The following ATP5MF variants were observed in gnomAD, a reference collection of about 807,000 sequenced individuals.
The protein encoded by ATP5MF is ATP synthase F(0) complex subunit f, mitochondrial.
Under a neutral mutation model 13.8 loss-of-function variants are expected in ATP5MF, and 10 were observed. That is an observed-to-expected ratio of 0.72 (90% CI 0.45 to 1.23). The LOEUF is 1.23. Ranked by LOEUF, ATP5MF falls within the 50% of genes most tolerant of loss-of-function variation. ATP5MF has a pLI of 0.00. For missense variants in ATP5MF, 122 were observed against 118.2 expected, an observed-to-expected ratio of 1.03 and a Z score of -0.15; for synonymous variants, 40 against 45.8, an observed-to-expected ratio of 0.87 and a Z score of 0.51.
chr7:99,465,808 G>A (rs1008296317), intron 1 of ATP5MF, among the ~76,000 whole-genome samples: 7 of 152,244 alleles, frequency 4.6e-5, no homozygotes, highest in African/African-American at 1.7e-4. Flanking sequence ...GGTCGCAGCG[G>A]GAGAGGGAAG....
At chr7:99,461,168 C>T (rs568345974) in intron 1 of ATP5MF, among the ~76,000 whole-genome samples, 8 of 152,252 alleles carry the variant, frequency 5.3e-5, no homozygotes, top group African/African-American at 1.9e-4. Context: ...AGAAAGGAAT[C>T]GTCTCCCCTG....
At position 99,459,255 on chromosome 7, in the gene ATP5MF, G is replaced by A. The variant is rs747694788; in HGVS notation, c.148C>T (p.Arg50Trp). Reference sequence around the variant, plus strand: ...ACATTGATGTACTTGTTGTAGTACCGGTAGTAACCTGCAAACGCAAGAGGC... The same window carrying A: ...ACATTGATGTACTTGTTGTAGTACCAGTAGTAACCTGCAAACGCAAGAGGC... ...IFGAFQRGYY[R>W]YYNKYINVKK... Residue 50 changes from arginine to tryptophan, a missense_variant, in exon 3 of 4, where the codon CGG (arginine) becomes TGG (tryptophan). Transcript: ENST00000292475. 111 of 1,613,050 alleles carry A rather than the reference G, an allele frequency of 6.9e-5. No individual in the cohort carries two copies. The highest frequency in any genetic ancestry group is 6.6e-4 in the Middle Eastern group (4 of 6,084).
At chr7:99,464,163 C>G (rs1323204733) in intron 1 of ATP5MF, among the ~76,000 whole-genome samples, 1 of 152,222 alleles carries the variant, frequency 6.6e-6, no homozygotes, top group Non-Finnish European at 1.5e-5. Context: ...CTTTCACATG[C>G]TAAATCGATT....
intron 3 of ATP5MF, 143 bp from the exon 4 acceptor site, chr7:99,458,498 G>A (rs1798433536): frequency 3.8e-6 from 3 of 787,202 alleles, no homozygotes; most frequent in Non-Finnish European, 5.9e-6. Flanking sequence ...CGGTGTCTCT[G>A]CAGAATCAGC....
In ATP5MF at chr7:99,459,273, C is replaced by G; in HGVS notation, c.140-10G>C. The stretch of plus-strand genomic sequence containing the variant: ...TAGTACCGGTAGTAACCTGCAAACG[C>G]AAGAGGCGCTCACTGCCCTGCTGGG... On this transcript the variant is annotated splice_polypyrimidine_tract_variant and intron_variant, in intron 2 of 3. Transcript: ENST00000292475. 8 of 1,597,934 alleles carry G rather than the reference C, an allele frequency of 5.0e-6. No homozygotes were observed. The highest frequency in any genetic ancestry group is 6.9e-6 in the Non-Finnish European group (8 of 1,165,208).
At chr7:99,462,336 C>T (rs984795165) in intron 1 of ATP5MF, among the ~76,000 whole-genome samples, 39 of 138,580 alleles carry the variant, frequency 2.8e-4, no homozygotes, top group Admixed American at 3.0e-4. Context: ...GGTGTGGTGG[C>T]GGGCGCCTGT....
chr7:99,465,391 G>A (rs1015406576), intron 1 of ATP5MF, among the ~76,000 whole-genome samples: 5 of 152,298 alleles, frequency 3.3e-5, no homozygotes, highest in African/African-American at 9.6e-5. Flanking sequence ...TCCCTCATCT[G>A]TAAAATGGAA....
Position 99,458,206 on chromosome 7 carries a change from T to G in ATP5MF, c.*121A>C. ...GCAATCAGCACACGTACCAGTCATGTTTTATTTGGAGGTTAATTCCTATTA... is the reference window on the plus strand; with the variant it reads ...GCAATCAGCACACGTACCAGTCATGGTTTATTTGGAGGTTAATTCCTATTA... On this transcript the variant is annotated 3_prime_UTR_variant, in exon 4 of 4. Coordinates refer to ENST00000292475, the MANE Select transcript of ATP5MF (RefSeq NM_004889.5). The G allele has an allele frequency of 1.9e-6, 2 of 1,063,586 alleles. No homozygotes were observed. The highest frequency in any genetic ancestry group is 2.7e-6 in the Non-Finnish European group (2 of 734,500). 65.9% of individuals were successfully genotyped at this position (1,063,586 alleles called of 1,614,324 possible). A position where few individuals can be genotyped will look rare whatever the true frequency, so the allele number is the denominator to read the frequency against.
intron 1 of ATP5MF, among the ~76,000 whole-genome samples, chr7:99,464,385 C>T (rs879357720): frequency 6.6e-5 from 10 of 152,194 alleles, no homozygotes; most frequent in Non-Finnish European, 1.2e-4. Context: ...GGCCGGAGGC[C>T]GGGCGCAGTG....
chr7:99,458,478 AC>A, intron 3 of ATP5MF, 123 bp from the exon 4 acceptor site: 1 of 972,988 alleles, frequency 1.0e-6, no homozygotes, highest in Non-Finnish European at 1.5e-6. Context: ...ATGACCCATG[AC>A]CCGCCTGCCG....
chr7:99,465,962 G>T, intron 1 of ATP5MF, 149 bp downstream of exon 1: 3 of 1,402,524 alleles, frequency 2.1e-6, no homozygotes, highest in Non-Finnish European at 2.9e-6. Context: ...GCCTGGGCAG[G>T]CGGAGCGGGG....
chr7:99,464,819 C>T (rs1034882420), intron 1 of ATP5MF, among the ~76,000 whole-genome samples: 6 of 151,638 alleles, frequency 4.0e-5, no homozygotes, highest in African/African-American at 1.5e-4. Flanking sequence ...AAAAAATTAG[C>T]CGGGCGTAGG....
intron 1 of ATP5MF, among the ~76,000 whole-genome samples, chr7:99,461,681 A>G (rs1482305397): frequency 1.3e-5 from 2 of 150,404 alleles, no homozygotes; most frequent in Non-Finnish European, 3.0e-5. Flanking sequence ...GCACCATGAG[A>G]TCACGCCACT....
chr7:99,460,398 A>C (rs559522608), intron 1 of ATP5MF: 29 of 721,070 alleles, frequency 4.0e-5, no homozygotes, highest in Non-Finnish European at 6.9e-5. Context: ...GAACTGCTGC[A>C]GGGACAGCTT....
At chr7:99,460,864 C>G (rs1019091542) in intron 1 of ATP5MF, among the ~76,000 whole-genome samples, 2 of 152,116 alleles carry the variant, frequency 1.3e-5, no homozygotes, top group Non-Finnish European at 2.9e-5. Context: ...TGGGCCAGCC[C>G]GAGCAAGTAT....
chr7:99,459,149 A>G lies in ATP5MF; in HGVS notation c.254T>C (p.Leu85Pro), dbSNP rs760547120. Reference sequence around the variant, plus strand: ...CAAGACGCCGCAGAGGCACTCACTGAGATGCTTGTAGGAAAAGGAGTAGCT... The same window carrying G: ...CAAGACGCCGCAGAGGCACTCACTGGGATGCTTGTAGGAAAAGGAGTAGCT... ...LFSYSFSYKH[L>P]KHERLRKYH The change falls in exon 3 of 4, where the codon CTC becomes CCC. Residue 85 changes from leucine to proline, a missense_variant and splice_region_variant. Coordinates refer to ENST00000292475, the MANE Select transcript of ATP5MF (RefSeq NM_004889.5). 4 of 1,612,204 alleles carry G rather than the reference A, an allele frequency of 2.5e-6. No individual in the cohort carries two copies. Among genetic ancestry groups the G allele is most frequent in the Non-Finnish European group, 3.4e-6 (4 of 1,178,736 alleles).
At chr7:99,459,895 C>T in intron 2 of ATP5MF, 191 bp downstream of exon 2, 1 of 625,326 alleles carries the variant, frequency 1.6e-6, no homozygotes, top group Non-Finnish European at 2.7e-6. Context: ...GCTGTAATAT[C>T]TCAGAGCCAG....
chr7:99,465,223 C>T (rs1056134500), intron 1 of ATP5MF, among the ~76,000 whole-genome samples: 1 of 151,986 alleles, frequency 6.6e-6, no homozygotes, highest in Non-Finnish European at 1.5e-5. Context: ...CACACCATTG[C>T]ACTCCACCCT....
At chr7:99,462,986 T>C (rs1584533942) in intron 1 of ATP5MF, among the ~76,000 whole-genome samples, 1 of 152,226 alleles carries the variant, frequency 6.6e-6, no homozygotes, top group African/African-American at 2.4e-5. Flanking sequence ...TTTAATGCCA[T>C]TTTGTAGGTG....
Sources: gnomAD v4.1 joint callset for allele counts (sites outside exome capture counted in the v4.1 genomes callset) on GRCh38, gnomAD v4.1.1 for gene constraint, MANE v1.5 for transcripts, NCBI Gene and HGNC (gene_info 2026-07-23, HGNC 2026-07-21) for gene names.